The following CHRM3 variants were observed in gnomAD, a reference collection of about 807,000 sequenced individuals.
CHRM3 encodes cholinergic receptor muscarinic 3.
CHRM3 carries 11 observed loss-of-function variants against 41.8 expected under a neutral mutation model. The ratio of observed to expected loss-of-function variants is 0.26; its 90% CI spans 0.17 to 0.44. CHRM3 has a LOEUF of 0.44. Among genes scored for constraint, CHRM3 ranks in the 20% least tolerant of loss-of-function variants. CHRM3 has a pLI of 1.00. For missense variants in CHRM3, 571 were observed against 745.4 expected, an observed-to-expected ratio of 0.77 and a Z score of 2.72; for synonymous variants, 297 against 301.4, an observed-to-expected ratio of 0.99 and a Z score of 0.15.
chr1:239,498,893 A>G (rs1668045416), intron 2 of CHRM3, among the ~76,000 whole-genome samples: 1 of 152,156 alleles, frequency 6.6e-6, no homozygotes, highest in African/African-American at 2.4e-5. Context: ...CCTCCTTTAT[A>G]GTATGCTATA....
rs35541531 is a variant in CHRM3 at position 239,791,049 on chromosome 1, GAA to G, written c.-146-36189_-146-36188del. Among the ~76,000 whole-genome samples the G allele has an allele frequency of 8.8e-4, 102 of 115,674 alleles. 1 individual carries two copies. The highest frequency in any genetic ancestry group is 0.01 in the Middle Eastern group (2 of 196). The allele number at this position is 115,674 out of a possible 152,430, so 75.9% of individuals were successfully genotyped here. A position where few individuals can be genotyped will look rare whatever the true frequency, so the allele number is the denominator to read the frequency against. On this transcript the variant is annotated intron_variant, in intron 5 of 6. Transcript: ENST00000676153. ...AATATCTGTAGGAGTCGCTCCTGGA[GAA>G]AAAAAAAAAAAAACACACAAAACTA...
intron 6 of CHRM3, among the ~76,000 whole-genome samples, chr1:239,869,017 T>G (rs2149311044): frequency 6.6e-6 from 1 of 151,904 alleles, no homozygotes; most frequent in South Asian, 2.1e-4. Context: ...ATACTGGGAG[T>G]GTACTCTTAG....
chr1:239,537,144 C>T (rs114692790), intron 2 of CHRM3, among the ~76,000 whole-genome samples: 2,405 of 152,202 alleles, frequency 0.016, 41 homozygotes, highest in South Asian at 0.087. Context: ...TAGACGTCTC[C>T]TGGACGAGTG....
intron 6 of CHRM3, among the ~76,000 whole-genome samples, chr1:239,873,466 A>G (rs1231625811): frequency 2.0e-5 from 3 of 151,880 alleles, no homozygotes; most frequent in African/African-American, 7.3e-5. Context: ...TACATTAGGT[A>G]TTTCTCCTAA....
At chr1:239,444,163 G>C (rs1663948573) in intron 1 of CHRM3, among the ~76,000 whole-genome samples, 1 of 152,090 alleles carries the variant, frequency 6.6e-6, no homozygotes, top group Non-Finnish European at 1.5e-5. Context: ...AACGCCCGAG[G>C]CTGGCTGTGG....
chr1:239,618,919 AT>A (rs1163930736), intron 3 of CHRM3, among the ~76,000 whole-genome samples: 1 of 143,550 alleles, frequency 7.0e-6, no homozygotes, highest in Non-Finnish European at 1.5e-5. Context: ...TTATTTATTT[AT>A]TTATTTATTT....
Position 239,913,765 on chromosome 1 carries a change from T to C in CHRM3, c.*4541T>C, listed in dbSNP as rs1236622654. 2 of 167,096 alleles carry C rather than the reference T, an allele frequency of 1.2e-5. No individual in the cohort carries two copies. The highest frequency in any genetic ancestry group is 1.5e-5 in the Non-Finnish European group (1 of 68,114). 10.4% of individuals were successfully genotyped at this position (167,096 alleles called of 1,614,324 possible). A position where few individuals can be genotyped will look rare whatever the true frequency, so the allele number is the denominator to read the frequency against. On this transcript the variant is annotated 3_prime_UTR_variant, in exon 7 of 7. Transcript: ENST00000676153. ...CACGTAAGTTTGTAACTGCACAGTG[T>C]TTTGTTGTACGGCTCAGAAATGAGC...
chr1:239,662,623 C>T (rs1021315161), intron 4 of CHRM3, among the ~76,000 whole-genome samples: 1 of 152,116 alleles, frequency 6.6e-6, no homozygotes. Context: ...CCCAGCCTTA[C>T]TCAGGACAGG....
At position 239,632,281 on chromosome 1, in the gene CHRM3, A is replaced by G. The variant is rs1257620637; in HGVS notation, c.-255A>G. On this transcript the variant is annotated 5_prime_UTR_variant, in exon 4 of 7. Transcript: ENST00000676153. ...ACAGTCAGAACTTCAGCTAAGGTAC[A>G]ATAAGGTAAGATCCTTTTTCTAGTT... is the stretch of plus-strand genomic sequence containing the variant. 1 of 152,244 alleles carries G rather than the reference A, an allele frequency of 6.6e-6. No homozygotes were observed. Among genetic ancestry groups the G allele is most frequent in the African/African-American group, 2.4e-5 (1 of 41,460 alleles). The allele number at this position is 152,244 out of a possible 1,614,324, so 9.4% of individuals were successfully genotyped here.
At chr1:239,797,635 A>G (rs1330511823) in intron 5 of CHRM3, among the ~76,000 whole-genome samples, 1 of 152,194 alleles carries the variant, frequency 6.6e-6, no homozygotes, top group Non-Finnish European at 1.5e-5. Flanking sequence ...GTTCCAAAGC[A>G]TTTTAAAAGC....
chr1:239,538,494 A>T (rs1658424765), intron 2 of CHRM3, among the ~76,000 whole-genome samples: 1 of 152,206 alleles, frequency 6.6e-6, no homozygotes, highest in Non-Finnish European at 1.5e-5. Context: ...GGGCTGTTTC[A>T]ACCCAATTAG....
chr1:239,424,912 G>T (rs546587558), intron 1 of CHRM3, among the ~76,000 whole-genome samples: 2 of 152,188 alleles, frequency 1.3e-5, no homozygotes, highest in African/African-American at 4.8e-5. Context: ...TGGTGTAGGG[G>T]TTCAGCAATC....
intron 6 of CHRM3, among the ~76,000 whole-genome samples, chr1:239,857,094 A>G (rs1011007647): frequency 2.0e-5 from 3 of 152,170 alleles, no homozygotes; most frequent in African/African-American, 7.2e-5. Context: ...TCTCTTTAAA[A>G]CTTGAATGAT....
chr1:239,823,657 C>T (rs1241619048), intron 5 of CHRM3, among the ~76,000 whole-genome samples: 1 of 151,928 alleles, frequency 6.6e-6, no homozygotes, highest in Non-Finnish European at 1.5e-5. Context: ...CAATTATAAA[C>T]ATAGGCTAAG....
intron 5 of CHRM3, among the ~76,000 whole-genome samples, chr1:239,794,427 A>G (rs1003982587): frequency 2.6e-5 from 3 of 113,380 alleles, no homozygotes; most frequent in Non-Finnish European, 3.7e-5. Context: ...GAGGTGACCT[A>G]TTATTTGGGT....
chr1:239,659,036 C>T (rs1219428573), intron 4 of CHRM3, among the ~76,000 whole-genome samples: 8 of 152,042 alleles, frequency 5.3e-5, no homozygotes, highest in African/African-American at 1.4e-4. Context: ...CTTGCCTGGC[C>T]CTGGTTTGAT....
At chr1:239,637,804 T>C (rs564260956) in intron 4 of CHRM3, among the ~76,000 whole-genome samples, 31 of 151,142 alleles carry the variant, frequency 2.1e-4, no homozygotes, top group South Asian at 8.4e-4. Flanking sequence ...TTAGGGTACA[T>C]GTGCACAATG....
At chr1:239,500,308 C>G (rs971241399) in intron 2 of CHRM3, among the ~76,000 whole-genome samples, 1 of 152,084 alleles carries the variant, frequency 6.6e-6, no homozygotes, top group African/African-American at 2.4e-5. Flanking sequence ...GAGTTCATGT[C>G]CTTTGCAGGG....
At chr1:239,610,924 C>G (rs1666946039) in intron 3 of CHRM3, among the ~76,000 whole-genome samples, 1 of 152,080 alleles carries the variant, frequency 6.6e-6, no homozygotes, top group African/African-American at 2.4e-5. Flanking sequence ...TGGTGGTGCA[C>G]ACCTGTCATC....
Sources: allele counts gnomAD v4.1 joint callset (sites outside exome capture counted in the v4.1 genomes callset), GRCh38; gene constraint gnomAD v4.1.1; transcripts MANE v1.5; gene names NCBI Gene and HGNC (gene_info 2026-07-23, HGNC 2026-07-21).